Variants in ATG10 observed in about 807,000 individuals in gnomAD.
The protein encoded by ATG10 is autophagy related 10.
In ATG10, 30 loss-of-function variants were observed where a neutral mutation model predicts 32.1. The ratio of observed to expected loss-of-function variants is 0.94; its 90% CI spans 0.70 to 1.27. The LOEUF is 1.27. ATG10 is among the 50% of genes most tolerant of loss of function. ATG10 has a pLI of 0.00. For synonymous variants in ATG10, 87 were observed against 91.5 expected (o/e 0.95, Z 0.28); for missense variants, 233 against 262.3 (o/e 0.89, Z 0.77).
chr5:82,058,474 T>G (rs757305933), intron 2 of ATG10, 21 bp from the exon 3 acceptor site: 1 of 1,522,854 alleles, frequency 6.6e-7, no homozygotes, highest in East Asian at 2.3e-5. Flanking sequence ...TTCTTATATA[T>G]TTTTTGGTGA....
intron 2 of ATG10, among the ~76,000 whole-genome samples, chr5:82,018,418 G>T (rs1762344532): frequency 6.6e-6 from 1 of 152,176 alleles, no homozygotes; most frequent in African/African-American, 2.4e-5. Flanking sequence ...TGATCTGACT[G>T]TTTTCACTCT....
chr5:82,248,311 T>C (rs1747113234), intron 5 of ATG10, among the ~76,000 whole-genome samples: 1 of 152,254 alleles, frequency 6.6e-6, no homozygotes. Flanking sequence ...GTACCTATTT[T>C]GCTATTTTTA....
chr5:82,151,400 A>C (rs930875048), intron 3 of ATG10, among the ~76,000 whole-genome samples: 1 of 152,164 alleles, frequency 6.6e-6, no homozygotes, highest in Non-Finnish European at 1.5e-5. Flanking sequence ...CACTCTATGC[A>C]TTTATCAGAT....
At chr5:82,007,439 G>A (rs1455267767) in intron 2 of ATG10, among the ~76,000 whole-genome samples, 1 of 152,144 alleles carries the variant, frequency 6.6e-6, no homozygotes, top group African/African-American at 2.4e-5. Context: ...AAATTAGAGA[G>A]TAAGTAATAG....
intron 5 of ATG10, among the ~76,000 whole-genome samples, chr5:82,213,927 GCT>G (rs534236353): frequency 3.3e-5 from 5 of 152,154 alleles, no homozygotes; most frequent in Non-Finnish European, 7.3e-5. Flanking sequence ...AAGCAGAGTT[GCT>G]CTCTCTCGAC....
At chr5:82,139,236 G>C (rs1488351783) in intron 3 of ATG10, among the ~76,000 whole-genome samples, 3 of 146,742 alleles carry the variant, frequency 2.0e-5, no homozygotes, top group African/African-American at 7.8e-5. Flanking sequence ...CCAAAGTGCC[G>C]AGATTGCAGC....
At chr5:82,069,655 T>G (rs1261224962) in intron 3 of ATG10, among the ~76,000 whole-genome samples, 1 of 152,150 alleles carries the variant, frequency 6.6e-6, no homozygotes, top group Admixed American at 6.6e-5. Context: ...TAGAACTATC[T>G]AGAATTTCTT....
intron 2 of ATG10, among the ~76,000 whole-genome samples, chr5:81,993,406 T>TTCTTTTCTTTTCTTTTCTTTTCTTA (rs1214865154): frequency 7.3e-6 from 1 of 137,382 alleles, no homozygotes; most frequent in Non-Finnish European, 1.5e-5. Context: ...TTCTTTTCTT[T>TTCTTTTCTTTTCTTTTCTTTTCTTA]TCTTTTCTTT....
At chr5:82,236,616 G>A (rs1746563891) in intron 5 of ATG10, among the ~76,000 whole-genome samples, 1 of 152,154 alleles carries the variant, frequency 6.6e-6, no homozygotes, top group Non-Finnish European at 1.5e-5. Context: ...TTATTGCTAT[G>A]ATGTCTGTAA....
At chr5:82,219,282 A>C (rs1289009877) in intron 5 of ATG10, among the ~76,000 whole-genome samples, 1 of 152,228 alleles carries the variant, frequency 6.6e-6, no homozygotes, top group Non-Finnish European at 1.5e-5. Flanking sequence ...AAATCTGGTC[A>C]CATTTGAGTT....
At chr5:82,251,645 T>G (rs554387062) in intron 5 of ATG10, among the ~76,000 whole-genome samples, 1 of 152,308 alleles carries the variant, frequency 6.6e-6, no homozygotes, top group East Asian at 1.9e-4. Flanking sequence ...TCACCTGCTT[T>G]GTCTTCATAG....
At chr5:82,081,828 T>C (rs1350563635) in intron 3 of ATG10, among the ~76,000 whole-genome samples, 6 of 152,210 alleles carry the variant, frequency 3.9e-5, no homozygotes, top group Non-Finnish European at 1.5e-5. Context: ...TCTTTTTTTG[T>C]TGTGTCTCTG....
intron 5 of ATG10, among the ~76,000 whole-genome samples, chr5:82,209,407 G>A (rs1197816378): frequency 1.3e-5 from 2 of 152,104 alleles, no homozygotes; most frequent in African/African-American, 4.8e-5. Flanking sequence ...AGCCTTCAAG[G>A]TGGGATTAGT....
At chr5:82,124,186 G>A (rs958553097) in intron 3 of ATG10, among the ~76,000 whole-genome samples, 2 of 149,542 alleles carry the variant, frequency 1.3e-5, no homozygotes, top group Admixed American at 6.7e-5. Context: ...TGTATTTTTA[G>A]TAGAGATGGG....
Position 82,254,877 on chromosome 5 carries a change from A to AG in ATG10, c.*815dup, listed in dbSNP as rs1423523978. On this transcript the variant is annotated 3_prime_UTR_variant, in exon 8 of 8. Transcript: ENST00000282185. ...TAGATTATTTCTGTTTTACTCCAAA[A>AG]GAGAGAGAGAGAGTGAGTGTGAGTG... The AG allele has an allele frequency of 7.3e-6, 1 of 137,856 alleles. No individual in the cohort carries two copies. Among genetic ancestry groups the AG allele is most frequent in the Non-Finnish European group, 1.5e-5 (1 of 64,702 alleles). The allele number at this position is 137,856 out of a possible 1,614,324, so 8.5% of individuals were successfully genotyped here.
At chr5:82,122,274 T>C (rs939728987) in intron 3 of ATG10, among the ~76,000 whole-genome samples, 1 of 152,140 alleles carries the variant, frequency 6.6e-6, no homozygotes, top group Non-Finnish European at 1.5e-5. Context: ...AAAGACTCCC[T>C]ATTCAAAAAA....
intron 3 of ATG10, among the ~76,000 whole-genome samples, chr5:82,095,130 C>T (rs1232778818): frequency 2.0e-5 from 3 of 151,968 alleles, no homozygotes; most frequent in African/African-American, 7.3e-5. Flanking sequence ...GAAAAGAAAT[C>T]TGTATATAGA....
At chr5:82,037,843 TC>T (rs1276908727) in intron 2 of ATG10, among the ~76,000 whole-genome samples, 1 of 152,228 alleles carries the variant, frequency 6.6e-6, no homozygotes, top group East Asian at 1.9e-4. Flanking sequence ...TGTTGAACCA[TC>T]CTTGCATTTC....
At chr5:82,051,174 G>A (rs1008919901) in intron 2 of ATG10, among the ~76,000 whole-genome samples, 1 of 152,012 alleles carries the variant, frequency 6.6e-6, no homozygotes, top group South Asian at 2.1e-4. Context: ...TGTTCAGTAG[G>A]GATTCACAAA....
Sources: gnomAD v4.1 joint callset for allele counts (sites outside exome capture counted in the v4.1 genomes callset) on GRCh38, gnomAD v4.1.1 for gene constraint, MANE v1.5 for transcripts, NCBI Gene and HGNC (gene_info 2026-07-23, HGNC 2026-07-21) for gene names.